The following PID1 variants were observed in gnomAD, a reference collection of about 807,000 sequenced individuals.
The protein encoded by PID1 is PTB-containing, cubilin and LRP1-interacting protein.
PID1 carries 10 observed loss-of-function variants against 19.1 expected under a neutral mutation model. That is an observed-to-expected ratio of 0.52 (90% CI 0.32 to 0.89). The LOEUF (loss-of-function observed/expected upper bound fraction) is 0.89. PID1 is among the 40% of genes least tolerant of loss of function. The pLI, the probability that PID1 is intolerant of heterozygous loss-of-function variation, is 0.03. For missense variants in PID1, 248 were observed against 285.3 expected (o/e 0.87, Z 0.94); for synonymous variants, 130 against 116.0 (o/e 1.12, Z -0.78).
intron 1 of PID1, among the ~76,000 whole-genome samples, chr2:229,224,233 G>A (rs186266863): frequency 2.4e-4 from 37 of 152,166 alleles, no homozygotes; most frequent in Non-Finnish European, 4.3e-4. Context: ...CTGTTGTTGG[G>A]AATGTAAATT....
chr2:229,143,128 T>C (rs942386351), intron 2 of PID1, among the ~76,000 whole-genome samples: 5 of 145,636 alleles, frequency 3.4e-5, no homozygotes, highest in African/African-American at 1.3e-4. Flanking sequence ...TTCTCACTTA[T>C]AGGTGGGAAT....
In PID1 at chr2:229,087,972, A is replaced by AC. The variant is rs1165398588; in HGVS notation, c.178-61865dup. 1.4e-4 allele frequency among the ~76,000 whole-genome samples: 22 copies of AC among 151,878 alleles called. 1 individual carries two copies. Among genetic ancestry groups the AC allele is most frequent in the African/African-American group, 4.8e-4 (20 of 41,326 alleles). On this transcript the variant is annotated intron_variant, in intron 2 of 2. Coordinates refer to ENST00000392055, the MANE Select transcript of PID1 (RefSeq NM_001100818.2). ...ACCAAGTCATACTAATCACACATGC[A>AC]CCCCCCACACACAAACACCTGCACT...
At chr2:229,114,922 T>A (rs1247884305) in intron 2 of PID1, among the ~76,000 whole-genome samples, 1 of 152,188 alleles carries the variant, frequency 6.6e-6, no homozygotes. Flanking sequence ...TAGACCTAAT[T>A]TCACTTGAAT....
intron 2 of PID1, among the ~76,000 whole-genome samples, chr2:229,052,546 AG>A (rs1694016741): frequency 9.3e-6 from 1 of 107,656 alleles, no homozygotes; most frequent in African/African-American, 4.4e-5. Context: ...TGGCTTAGAG[AG>A]CTTTTTTTTT....
chr2:229,169,464 T>TC (rs2106208355), intron 1 of PID1, among the ~76,000 whole-genome samples: 1 of 152,358 alleles, frequency 6.6e-6, no homozygotes, highest in African/African-American at 2.4e-5. Context: ...CAATGCTTTC[T>TC]CTAGCTTCCT....
At chr2:229,188,686 C>A (rs962321897) in intron 1 of PID1, among the ~76,000 whole-genome samples, 1 of 149,888 alleles carries the variant, frequency 6.7e-6, no homozygotes, top group African/African-American at 2.5e-5. Flanking sequence ...TTGCAGTGAG[C>A]TGAGATCGTA....
At chr2:229,106,652 T>A (rs1574633269) in intron 2 of PID1, among the ~76,000 whole-genome samples, 1 of 152,184 alleles carries the variant, frequency 6.6e-6, no homozygotes, top group East Asian at 1.9e-4. Context: ...CAGACAGCAA[T>A]CCTTTATCAG....
intron 2 of PID1, among the ~76,000 whole-genome samples, chr2:229,051,970 A>G (rs1470586928): frequency 6.6e-6 from 1 of 152,112 alleles, no homozygotes; most frequent in Non-Finnish European, 1.5e-5. Flanking sequence ...CCAGGTCAGG[A>G]TGTCCTTTGG....
intron 2 of PID1, among the ~76,000 whole-genome samples, chr2:229,138,851 C>T (rs1363571578): frequency 2.9e-5 from 4 of 135,684 alleles, no homozygotes; most frequent in African/African-American, 8.4e-5. Context: ...ATGAGACATA[C>T]GAATGTAGAA....
intron 2 of PID1, among the ~76,000 whole-genome samples, chr2:229,129,968 C>A (rs1401305224): frequency 6.6e-6 from 1 of 152,154 alleles, no homozygotes; most frequent in Non-Finnish European, 1.5e-5. Flanking sequence ...GAAGCTATGA[C>A]CAGCTCCACC....
chr2:229,221,367 C>A (rs534034637), intron 1 of PID1, among the ~76,000 whole-genome samples: 27 of 152,304 alleles, frequency 1.8e-4, no homozygotes, highest in African/African-American at 6.3e-4. Context: ...TGTCCCCACT[C>A]CATGCTCCAC....
intron 2 of PID1, among the ~76,000 whole-genome samples, chr2:229,075,536 A>C (rs1292098306): frequency 6.6e-6 from 1 of 152,210 alleles, no homozygotes; most frequent in Non-Finnish European, 1.5e-5. Context: ...AACTCCATAA[A>C]TCCAGTGAAA....
At chr2:229,115,783 A>C (rs898888541) in intron 2 of PID1, among the ~76,000 whole-genome samples, 27 of 152,168 alleles carry the variant, frequency 1.8e-4, no homozygotes, top group African/African-American at 6.5e-4. Context: ...AAGGCCTTGA[A>C]CTTGGCAATA....
At chr2:229,151,854 G>A (rs1229361643) in intron 2 of PID1, among the ~76,000 whole-genome samples, 3 of 152,120 alleles carry the variant, frequency 2.0e-5, no homozygotes, top group Non-Finnish European at 4.4e-5. Context: ...ACAGGCGTGA[G>A]CCACCGCGCC....
chr2:229,172,650 T>C (rs946746362), intron 1 of PID1, among the ~76,000 whole-genome samples: 5 of 152,222 alleles, frequency 3.3e-5, no homozygotes, highest in Non-Finnish European at 7.3e-5. Flanking sequence ...CTTAATTACC[T>C]CTGTAAAGGC....
intron 1 of PID1, among the ~76,000 whole-genome samples, chr2:229,232,473 A>G (rs1179707534): frequency 1.4e-5 from 2 of 142,570 alleles, no homozygotes; most frequent in Admixed American, 1.4e-4. Flanking sequence ...TCTTAAGGTC[A>G]TCACTTTGGC....
chr2:229,190,979 C>T (rs956618037), intron 1 of PID1, among the ~76,000 whole-genome samples: 1 of 152,102 alleles, frequency 6.6e-6, no homozygotes, highest in African/African-American at 2.4e-5. Flanking sequence ...TAATGAAGCA[C>T]ATTAACATTT....
chr2:229,255,663 C>G (rs1182311695), intron 1 of PID1, among the ~76,000 whole-genome samples: 1 of 152,178 alleles, frequency 6.6e-6, no homozygotes, highest in Non-Finnish European at 1.5e-5. Context: ...AATCCAATAT[C>G]ATAACAATGA....
At chr2:229,118,694 C>T (rs1173202638) in intron 2 of PID1, among the ~76,000 whole-genome samples, 2 of 152,114 alleles carry the variant, frequency 1.3e-5, no homozygotes, top group Non-Finnish European at 2.9e-5. Flanking sequence ...TCAAATAATG[C>T]TGATGTATTG....
Sources: gnomAD v4.1 joint callset for allele counts (sites outside exome capture counted in the v4.1 genomes callset) on GRCh38, gnomAD v4.1.1 for gene constraint, MANE v1.5 for transcripts, NCBI Gene and HGNC (gene_info 2026-07-23, HGNC 2026-07-21) for gene names.